ST8SIA6: variants seen among roughly 807,000 people sequenced by gnomAD.
ST8SIA6 encodes the protein alpha-2,8-sialyltransferase 8F.
In ST8SIA6, 39 loss-of-function variants were observed where a neutral mutation model predicts 33.6. That is an observed-to-expected ratio of 1.16 (90% CI 0.90 to 1.52). The LOEUF (loss-of-function observed/expected upper bound fraction) is 1.52, where lower values mean the gene tolerates loss of function less well. Ranked by LOEUF, ST8SIA6 falls within the 40% of genes most tolerant of loss-of-function variation. ST8SIA6 has a pLI of 0.00. For synonymous variants in ST8SIA6, 172 were observed against 167.2 expected (o/e 1.03, Z -0.22); for missense variants, 441 against 443.8 (o/e 0.99, Z 0.06).
chr10:17,351,553 T>A (rs1849030312), intron 4 of ST8SIA6, among the ~76,000 whole-genome samples: 1 of 147,864 alleles, frequency 6.8e-6, no homozygotes, highest in Admixed American at 6.9e-5. Flanking sequence ...AATGAATAAA[T>A]ACCCAAAGGA....
chr10:17,354,727 CA>C (rs1301260637), intron 4 of ST8SIA6, among the ~76,000 whole-genome samples: 1 of 152,142 alleles, frequency 6.6e-6, no homozygotes, highest in East Asian at 1.9e-4. Context: ...CCTGGATAGG[CA>C]ATTGAATCCC....
intron 2 of ST8SIA6, among the ~76,000 whole-genome samples, chr10:17,400,957 G>A (rs950060306): frequency 4.6e-5 from 7 of 152,126 alleles, no homozygotes; most frequent in Non-Finnish European, 1.0e-4. Flanking sequence ...AAGAAATAAA[G>A]GGTATTCAAT....
chr10:17,339,267 CAGTTCACAGACCGAGGCT>C lies in ST8SIA6; in HGVS notation c.378-7733_378-7716del, dbSNP rs1479986775. Among the ~76,000 whole-genome samples, 4 of 152,158 alleles carry C rather than the reference CAGTTCACAGACCGAGGCT, an allele frequency of 2.6e-5. No individual in the cohort carries two copies. The East Asian group carries it at 7.7e-4, about 29-fold the overall frequency. ...AGTGTTAACAACTACTTAAGGCTTA[CAGTTCACAGACCGAGGCT>C]AACGACCTAAAGGCCCAAACCCATG... On this transcript the variant is annotated intron_variant, in intron 4 of 7. Coordinates refer to ENST00000377602, the MANE Select transcript of ST8SIA6 (RefSeq NM_001004470.3).
At chr10:17,361,977 C>T (rs1377579842) in intron 3 of ST8SIA6, among the ~76,000 whole-genome samples, 1 of 152,048 alleles carries the variant, frequency 6.6e-6, no homozygotes, top group African/African-American at 2.4e-5. Flanking sequence ...GACAAAAACC[C>T]TCACTGTAAA....
At chr10:17,337,315 A>C (rs1848537231) in intron 4 of ST8SIA6, among the ~76,000 whole-genome samples, 1 of 152,198 alleles carries the variant, frequency 6.6e-6, no homozygotes, top group African/African-American at 2.4e-5. Flanking sequence ...TTATTTCTTT[A>C]GAGCAGTGCA....
At chr10:17,376,621 G>C (rs1412921334) in intron 3 of ST8SIA6, among the ~76,000 whole-genome samples, 1 of 152,186 alleles carries the variant, frequency 6.6e-6, no homozygotes, top group Non-Finnish European at 1.5e-5. Context: ...TGAGGAATAA[G>C]ATGGACAGCT....
chr10:17,333,692 T>TATATATAG (rs1848383183), intron 4 of ST8SIA6, among the ~76,000 whole-genome samples: 2 of 29,102 alleles, frequency 6.9e-5, no homozygotes, highest in South Asian at 1.1e-3. Context: ...TATATATATA[T>TATATATAG]ATATATATAT....
chr10:17,451,524 A>G (rs951913523), intron 2 of ST8SIA6, among the ~76,000 whole-genome samples: 7 of 152,222 alleles, frequency 4.6e-5, no homozygotes, highest in Non-Finnish European at 1.0e-4. Context: ...ACCACTAGGC[A>G]ATATATCCAT....
chr10:17,394,836 C>T (rs1304877233), intron 2 of ST8SIA6, among the ~76,000 whole-genome samples: 1 of 152,106 alleles, frequency 6.6e-6, no homozygotes, highest in Non-Finnish European at 1.5e-5. Context: ...TCAGACAAGT[C>T]ATAGGGGATT....
intron 2 of ST8SIA6, among the ~76,000 whole-genome samples, chr10:17,407,156 A>T (rs1300155619): frequency 1.3e-5 from 2 of 152,058 alleles, no homozygotes; most frequent in African/African-American, 4.8e-5. Flanking sequence ...GATTTTTTAA[A>T]CCCACATAGC....
At chr10:17,413,261 TCTC>T (rs1338327153) in intron 2 of ST8SIA6, 3 of 151,930 alleles carry the variant, frequency 2.0e-5, no homozygotes, top group East Asian at 1.9e-4. Context: ...TATCTTTTCT[TCTC>T]CTCTTCTTTT....
intron 2 of ST8SIA6, among the ~76,000 whole-genome samples, chr10:17,406,422 T>C (rs926071140): frequency 6.6e-6 from 1 of 152,228 alleles, no homozygotes; most frequent in African/African-American, 2.4e-5. Flanking sequence ...TTCTCTGAGC[T>C]GTATTGTTCT....
chr10:17,348,231 T>TC (rs1848914051), intron 4 of ST8SIA6, among the ~76,000 whole-genome samples: 1 of 151,420 alleles, frequency 6.6e-6, no homozygotes. Flanking sequence ...CTTTTTTTTT[T>TC]TTTTTTTGCA....
chr10:17,349,649 G>A (rs993301278), intron 4 of ST8SIA6, among the ~76,000 whole-genome samples: 13 of 152,158 alleles, frequency 8.5e-5, no homozygotes, highest in Admixed American at 3.9e-4. Context: ...AGATGTTCTA[G>A]TAGTAACTTA....
intron 2 of ST8SIA6, among the ~76,000 whole-genome samples, chr10:17,391,257 T>TA (rs201089981): frequency 0.038 from 5,834 of 151,822 alleles, 155 homozygotes; most frequent in Non-Finnish European, 0.054. Flanking sequence ...TATTTTATTT[T>TA]TATTTATTTA....
intron 3 of ST8SIA6, among the ~76,000 whole-genome samples, chr10:17,377,251 T>A (rs902292209): frequency 9.9e-5 from 15 of 152,122 alleles, no homozygotes; most frequent in African/African-American, 3.6e-4. Flanking sequence ...CATTTTCCAC[T>A]ACCTACCCAA....
At chr10:17,372,474 GGCTGATGTTCTGCAA>G (rs1849767974) in intron 3 of ST8SIA6, among the ~76,000 whole-genome samples, 1 of 152,158 alleles carries the variant, frequency 6.6e-6, no homozygotes, top group Admixed American at 6.6e-5. Context: ...ATTTGTAACT[GGCTGATGTTCTGCAA>G]GCCAACCTCA....
chr10:17,345,150 G>A (rs968431987), intron 4 of ST8SIA6, among the ~76,000 whole-genome samples: 3 of 152,152 alleles, frequency 2.0e-5, no homozygotes, highest in Admixed American at 2.0e-4. Context: ...TACCTCTGAG[G>A]CATCACAGAA....
chr10:17,322,337 T>C (rs758598955), intron 7 of ST8SIA6, among the ~76,000 whole-genome samples: 1 of 152,126 alleles, frequency 6.6e-6, no homozygotes, highest in Non-Finnish European at 1.5e-5. Context: ...AATATAGATA[T>C]ACGTATAGGT....
Sources: gnomAD v4.1 joint callset for allele counts (sites outside exome capture counted in the v4.1 genomes callset) on GRCh38, gnomAD v4.1.1 for gene constraint, MANE v1.5 for transcripts, NCBI Gene and HGNC (gene_info 2026-07-23, HGNC 2026-07-21) for gene names.